PRRG4: variants seen among roughly 807,000 people sequenced by gnomAD.
PRRG4 encodes proline rich and Gla domain 4.
PRRG4 carries 12 observed loss-of-function variants against 20.0 expected under a neutral mutation model. The ratio of observed to expected loss-of-function variants is 0.60; its 90% confidence interval spans 0.38 to 0.97. The LOEUF is 0.97. Ranked by LOEUF, PRRG4 falls within the 50% of genes least tolerant of loss-of-function variation. The probability of loss-of-function intolerance (pLI) is 0.00; values close to 1 mark genes in which losing one functional copy is unlikely to be tolerated. For synonymous variants in PRRG4, 94 were observed against 96.4 expected (o/e 0.98, Z 0.15); for missense variants, 199 against 265.1 (o/e 0.75, Z 1.73).
At chr11:32,846,937 G>T (rs1851136119) in intron 5 of PRRG4, among the ~76,000 whole-genome samples, 1 of 151,768 alleles carries the variant, frequency 6.6e-6, no homozygotes, top group African/African-American at 2.4e-5. Flanking sequence ...GGCAGAGGTT[G>T]CAGTGAGCCG....
At chr11:32,841,924 T>A (rs10488704) in intron 5 of PRRG4, among the ~76,000 whole-genome samples, 25,979 of 152,196 alleles carry the variant, frequency 0.17, 2,866 homozygotes, top group East Asian at 0.53. Flanking sequence ...TCTGTAGTGG[T>A]TCTAAAATTC....
At chr11:32,839,706 T>C (rs927266807) in intron 4 of PRRG4, among the ~76,000 whole-genome samples, 1 of 144,894 alleles carries the variant, frequency 6.9e-6, no homozygotes, top group African/African-American at 2.5e-5. Context: ...ATTTTGAATA[T>C]TATTAAAATA....
intron 5 of PRRG4, among the ~76,000 whole-genome samples, chr11:32,852,036 G>A (rs1288568118): frequency 1.3e-5 from 2 of 152,140 alleles, no homozygotes; most frequent in African/African-American, 4.8e-5. Flanking sequence ...AAGACCCCAG[G>A]CCCATGTTGC....
chr11:32,836,767 A>C lies in PRRG4; in HGVS notation c.213A>C (p.Glu71Asp). 1 of 1,613,250 alleles carries C rather than the reference A, an allele frequency of 6.2e-7. No homozygotes were observed. Among genetic ancestry groups the C allele is most frequent in the Non-Finnish European group, 8.5e-7 (1 of 1,179,338 alleles). The change falls in exon 3 of 6, where the codon GAA becomes GAC. Residue 71 changes from glutamate (E) to aspartate (D), a missense_variant. Coordinates refer to ENST00000257836, the MANE Select transcript of PRRG4 (RefSeq NM_024081.6). ...GCAACCTAGAAAGAGAGTGCAATGA[A>C]GAACTTTGCAATTATGAGGAAGCCA... is the stretch of plus-strand genomic sequence containing the variant. ...TPGNLERECN[E>D]ELCNYEEARE...
At chr11:32,830,416 G>A in intron 1 of PRRG4, 92 bp from the exon 2 acceptor site, 9 of 1,089,274 alleles carry the variant, frequency 8.3e-6, no homozygotes, top group Non-Finnish European at 1.1e-5. Flanking sequence ...CCTAGGCTTT[G>A]AGTACAACAG....
intron 3 of PRRG4, among the ~76,000 whole-genome samples, chr11:32,837,535 G>GATTATTATTATT: frequency 9.7e-6 from 1 of 103,430 alleles, no homozygotes; most frequent in East Asian, 2.9e-4. Flanking sequence ...TGATGATGAT[G>GATTATTATTATT]ATGATGATTA....
rs1850948389 is a variant in PRRG4, at chr11:32,830,110, A to C, written c.-86A>C. The C allele has an allele frequency of 1.0e-6, 1 of 993,136 alleles. No individual in the cohort carries two copies. The highest frequency in any genetic ancestry group is 1.2e-6 in the Non-Finnish European group (1 of 835,450). The allele number at this position is 993,136 out of a possible 1,614,324, so 61.5% of individuals were successfully genotyped here. On this transcript the variant is annotated 5_prime_UTR_variant, in exon 1 of 6. Transcript: ENST00000257836. ...CCGGAGACCGAGGGCCTGGCGGCCG[A>C]AGGAACCGCCCCAAGAAGAGCCTCT...
Position 32,840,198 on chromosome 11 carries a change from C to T in PRRG4, c.408C>T (p.Tyr136=). 6.2e-7 allele frequency: 1 copy of T among 1,607,434 alleles called. No homozygotes were observed. Among genetic ancestry groups the T allele is most frequent in the Non-Finnish European group, 8.5e-7 (1 of 1,174,460 alleles). Residue 136 remains tyrosine (Y), a synonymous_variant, in exon 5 of 6, where the codon TAC becomes TAT. Coordinates refer to ENST00000257836, the MANE Select transcript of PRRG4 (RefSeq NM_024081.6). The surrounding 1 kb of genome is among the most constrained non-coding windows in gnomAD (Gnocchi z 4.1). ...TGGTTATTTTTGGATTACTTGGCTACTATCTTTGTATCACTAAGTGTAATA... is the reference window on the plus strand; with the variant it reads ...TGGTTATTTTTGGATTACTTGGCTATTATCTTTGTATCACTAAGTGTAATA... ...VFLVIFGLLG[Y]YLCITKCNRL...
At chr11:32,833,433 A>G (rs1850992440) in intron 2 of PRRG4, among the ~76,000 whole-genome samples, 2 of 152,210 alleles carry the variant, frequency 1.3e-5, no homozygotes, top group African/African-American at 4.8e-5. Flanking sequence ...CTGGAACAGA[A>G]GACTGTCATG....
chr11:32,844,383 T>C (rs1254524798), intron 5 of PRRG4, among the ~76,000 whole-genome samples: 1 of 152,076 alleles, frequency 6.6e-6, no homozygotes. Flanking sequence ...ATAAGGGACT[T>C]ACAGGATTTA....
upstream of PRRG4, chr11:32,829,902 C>T (rs11032014): frequency 2.9e-3 from 2,889 of 985,522 alleles, 58 homozygotes; most frequent in African/African-American, 0.047. Flanking sequence ...GGCCAGGTGT[C>T]CCCAGGTAGC....
intron 2 of PRRG4, among the ~76,000 whole-genome samples, chr11:32,831,974 G>A (rs937540579): frequency 1.3e-5 from 2 of 152,036 alleles, no homozygotes; most frequent in Non-Finnish European, 2.9e-5. Context: ...GGGCGACAGA[G>A]TGAGACTCCA....
chr11:32,830,486 T>C, intron 1 of PRRG4, 22 bp from the exon 2 acceptor site: 1 of 1,433,192 alleles, frequency 7.0e-7, no homozygotes, highest in Non-Finnish European at 9.2e-7. Flanking sequence ...TTTTTTTTAA[T>C]ATTTTTTTTT....
intron 2 of PRRG4, among the ~76,000 whole-genome samples, chr11:32,835,979 G>A (rs1185824239): frequency 2.6e-5 from 4 of 152,038 alleles, no homozygotes; most frequent in Non-Finnish European, 5.9e-5. Context: ...GCACGTGCCT[G>A]TAGTCCCAGC....
In PRRG4 at chr11:32,830,116, C is replaced by A. The variant is rs146225314; in HGVS notation, c.-80C>A. The A allele has an allele frequency of 1.9e-4, 190 of 994,794 alleles. 2 individuals are homozygous for A. In the South Asian group the frequency reaches 5.7e-3, roughly 30 times the overall value. 61.6% of individuals were successfully genotyped at this position (994,794 alleles called of 1,614,324 possible). A position where few individuals can be genotyped will look rare whatever the true frequency, so the allele number is the denominator to read the frequency against. On this transcript the variant is annotated 5_prime_UTR_variant, in exon 1 of 6. Transcript: ENST00000257836. ...ACCGAGGGCCTGGCGGCCGAAGGAA[C>A]CGCCCCAAGAAGAGCCTCTGGCCCG... is the stretch of plus-strand genomic sequence containing the variant.
intron 5 of PRRG4, among the ~76,000 whole-genome samples, chr11:32,852,103 T>TA (rs1851188453): frequency 6.6e-6 from 1 of 151,432 alleles, no homozygotes; most frequent in South Asian, 2.1e-4. Flanking sequence ...AAGCCATATA[T>TA]TTTTTTTTAA....
chr11:32,843,958 T>C (rs1851103671), intron 5 of PRRG4, among the ~76,000 whole-genome samples: 1 of 152,336 alleles, frequency 6.6e-6, no homozygotes, highest in Non-Finnish European at 1.5e-5. Flanking sequence ...CAAAATGTTT[T>C]ATTACAGCAT....
Position 32,836,730 on chromosome 11 carries a change from T to G in PRRG4, c.176T>G (p.Leu59Arg). ...CTGTATAATAGATTTGATCTGGAGC[T>G]CTTCACTCCCGGCAACCTAGAAAGA... ...RLLYNRFDLE[L>R]FTPGNLEREC... Residue 59 changes from leucine to arginine, a missense_variant, in exon 3 of 6, where the codon CTC becomes CGC. Transcript: ENST00000257836. 1.2e-6 allele frequency: 2 copies of G among 1,612,390 alleles called. No homozygotes were observed.
intron 5 of PRRG4, among the ~76,000 whole-genome samples, chr11:32,851,546 C>A (rs1361138832): frequency 1.2e-4 from 18 of 152,164 alleles, no homozygotes; most frequent in Admixed American, 1.2e-3. Context: ...TTTACACAGA[C>A]CTTTTGCTTT....
Sources: gnomAD v4.1 joint callset for allele counts (sites outside exome capture counted in the v4.1 genomes callset) on GRCh38, gnomAD v4.1.1 for gene constraint, Gnocchi (gnomAD v3.1) non-coding constraint, MANE v1.5 for transcripts, NCBI Gene and HGNC (gene_info 2026-07-23, HGNC 2026-07-21) for gene names.